Variants in ZNF385D observed in about 807,000 individuals in gnomAD.
The protein encoded by ZNF385D is zinc finger protein 659.
ZNF385D carries 15 observed loss-of-function variants against 35.8 expected under a neutral mutation model. The observed-to-expected ratio is 0.42, with a 90% confidence interval of 0.28 to 0.64. The LOEUF (loss-of-function observed/expected upper bound fraction) is 0.64, where lower values mean the gene tolerates loss of function less well. Among genes scored for constraint, ZNF385D ranks in the 30% least tolerant of loss-of-function variants. The pLI is 0.23. For missense variants in ZNF385D, 474 were observed against 494.6 expected (o/e 0.96, Z 0.39); for synonymous variants, 212 against 186.8 (o/e 1.13, Z -1.10).
At chr3:22,294,747 A>G (rs1053075067) in intron 2 of ZNF385D, among the ~76,000 whole-genome samples, 3 of 152,172 alleles carry the variant, frequency 2.0e-5, no homozygotes, top group Non-Finnish European at 4.4e-5. Flanking sequence ...GCAAAATACT[A>G]GCATGTTGTA....
intron 3 of ZNF385D, among the ~76,000 whole-genome samples, chr3:22,162,956 C>T (rs369550257): frequency 3.9e-5 from 6 of 152,120 alleles, no homozygotes; most frequent in South Asian, 4.1e-4. Context: ...ACCTGTGAAG[C>T]GTAAGAAAAG....
chr3:21,968,530 G>GAGAGC (rs1703042754), intron 3 of ZNF385D, among the ~76,000 whole-genome samples: 1 of 152,032 alleles, frequency 6.6e-6, no homozygotes, highest in Admixed American at 6.6e-5. Flanking sequence ...GAGAGGAGAG[G>GAGAGC]AGAGAGTAAA....
At chr3:21,983,604 G>T (rs1413670013) in intron 3 of ZNF385D, among the ~76,000 whole-genome samples, 1 of 140,494 alleles carries the variant, frequency 7.1e-6, no homozygotes, top group African/African-American at 2.6e-5. Context: ...TTGCTATTGT[G>T]AATAATGCCG....
chr3:21,920,769 A>G (rs918184852), intron 3 of ZNF385D, among the ~76,000 whole-genome samples: 45 of 152,192 alleles, frequency 3.0e-4, no homozygotes, highest in African/African-American at 1.1e-3. Flanking sequence ...AGTCAAGAAA[A>G]TGAGAAATTT....
intron 1 of ZNF385D, among the ~76,000 whole-genome samples, chr3:21,688,104 T>C (rs865919081): frequency 1.8e-4 from 28 of 152,120 alleles, no homozygotes; most frequent in Non-Finnish European, 3.2e-4. Context: ...TCTATTATTT[T>C]TGGTGTCTCT....
chr3:22,260,276 G>T (rs991140682), intron 2 of ZNF385D, among the ~76,000 whole-genome samples: 7 of 151,940 alleles, frequency 4.6e-5, no homozygotes, highest in African/African-American at 1.7e-4. Flanking sequence ...CTCATAAGTG[G>T]GAGTTGAACA....
upstream of ZNF385D, among the ~76,000 whole-genome samples, chr3:21,751,755 T>C (rs571577868): frequency 2.6e-5 from 4 of 152,230 alleles, no homozygotes; most frequent in African/African-American, 7.2e-5. Context: ...TAATTTTTTA[T>C]TTCTTGAGTG....
chr3:21,703,185 G>C (rs967136357), intron 1 of ZNF385D, among the ~76,000 whole-genome samples: 34 of 152,160 alleles, frequency 2.2e-4, no homozygotes, highest in African/African-American at 8.0e-4. Context: ...GGAGGCCTCA[G>C]AATCATGGCG....
chr3:22,242,214 T>G (rs1559474035), intron 2 of ZNF385D, among the ~76,000 whole-genome samples: 2 of 150,668 alleles, frequency 1.3e-5, no homozygotes, highest in Non-Finnish European at 2.9e-5. Context: ...ACCCTAAAAC[T>G]TAAAGTATAA....
chr3:21,441,045 G>T (rs1380815653), intron 4 of ZNF385D, among the ~76,000 whole-genome samples: 1 of 152,040 alleles, frequency 6.6e-6, no homozygotes. Context: ...GCTAAGTTCT[G>T]TCCCAAGCCA....
chr3:21,461,644 T>C (rs577731546), intron 4 of ZNF385D, among the ~76,000 whole-genome samples: 1 of 152,370 alleles, frequency 6.6e-6, no homozygotes, highest in African/African-American at 2.4e-5. Context: ...TAAAGACGTT[T>C]TAAATTCAAA....
chr3:21,913,547 C>G (rs768029950), intron 3 of ZNF385D, among the ~76,000 whole-genome samples: 4 of 152,062 alleles, frequency 2.6e-5, no homozygotes, highest in Non-Finnish European at 4.4e-5. Flanking sequence ...TGGATTTCAA[C>G]AAATATTATA....
intron 2 of ZNF385D, among the ~76,000 whole-genome samples, chr3:22,298,392 GTGTA>G (rs890481262): frequency 6.4e-5 from 9 of 141,716 alleles, no homozygotes; most frequent in African/African-American, 2.0e-4. Context: ...GTGTGTGTGT[GTGTA>G]TATATATGTA....
chr3:22,247,553 G>A (rs1012492999), intron 2 of ZNF385D, among the ~76,000 whole-genome samples: 1 of 151,828 alleles, frequency 6.6e-6, no homozygotes, highest in African/African-American at 2.4e-5. Context: ...ACAAATTAAA[G>A]AGTCTTTGAT....
chr3:22,372,041 A>C (rs1404960903), intron 2 of ZNF385D, among the ~76,000 whole-genome samples: 4 of 151,912 alleles, frequency 2.6e-5, no homozygotes, highest in Non-Finnish European at 5.9e-5. Context: ...CCTCGCACAC[A>C]CCCAATGAAA....
chr3:22,200,535 C>T (rs993714819), intron 2 of ZNF385D, among the ~76,000 whole-genome samples: 12 of 152,132 alleles, frequency 7.9e-5, no homozygotes, highest in Middle Eastern at 3.4e-3. Context: ...CACAGGACCA[C>T]GGTGAAATTA....
intron 3 of ZNF385D, among the ~76,000 whole-genome samples, chr3:21,879,392 T>C (rs1462229382): frequency 1.3e-5 from 2 of 152,002 alleles, no homozygotes; most frequent in Non-Finnish European, 2.9e-5. Context: ...TTGCAGATGC[T>C]TCTTGTCTTT....
intron 3 of ZNF385D, among the ~76,000 whole-genome samples, chr3:21,922,696 C>T (rs1700531588): frequency 6.6e-6 from 1 of 152,076 alleles, no homozygotes; most frequent in Non-Finnish European, 1.5e-5. Flanking sequence ...GAGAAGAAAA[C>T]CTAGGAAACA....
chr3:22,071,019 A>C (rs1700202567), intron 3 of ZNF385D, among the ~76,000 whole-genome samples: 2 of 152,176 alleles, frequency 1.3e-5, no homozygotes, highest in African/African-American at 4.8e-5. Context: ...TTCAGTTGCC[A>C]AATCTATGAA....
Sources: allele counts gnomAD v4.1 joint callset (sites outside exome capture counted in the v4.1 genomes callset), GRCh38; gene constraint gnomAD v4.1.1; transcripts MANE v1.5; gene names NCBI Gene and HGNC (gene_info 2026-07-23, HGNC 2026-07-21).